Variants in ST6GALNAC5 observed in about 807,000 individuals in gnomAD.
The protein encoded by ST6GALNAC5 is ST6 N-acetylgalactosaminide alpha-2,6-sialyltransferase 5, also known as alpha-N-acetylgalactosaminide alpha-2,6-sialyltransferase 5.
ST6GALNAC5 carries 27 observed loss-of-function variants against 33.6 expected under a neutral mutation model. That is an observed-to-expected ratio of 0.80 (90% confidence interval 0.59 to 1.11). The LOEUF is 1.11. ST6GALNAC5 is among the 50% of genes least tolerant of loss of function. ST6GALNAC5 has a pLI of 0.00. For missense variants in ST6GALNAC5, 428 were observed against 454.0 expected, an observed-to-expected ratio of 0.94 and a Z score of 0.52; for synonymous variants, 194 against 171.2, an observed-to-expected ratio of 1.13 and a Z score of -1.04.
intron 2 of ST6GALNAC5, among the ~76,000 whole-genome samples, chr1:76,903,087 A>G (rs899467486): frequency 3.9e-5 from 6 of 152,200 alleles, no homozygotes; most frequent in African/African-American, 1.4e-4. Flanking sequence ...GGATGCTATC[A>G]AGAAGTAAAA....
chr1:77,012,879 C>A (rs2100425737), intron 2 of ST6GALNAC5, among the ~76,000 whole-genome samples: 1 of 152,272 alleles, frequency 6.6e-6, no homozygotes, highest in Non-Finnish European at 1.5e-5. Flanking sequence ...GCAAAACCAG[C>A]AACAGCTTAA....
At chr1:76,951,036 C>T (rs1647721375) in intron 2 of ST6GALNAC5, among the ~76,000 whole-genome samples, 1 of 151,870 alleles carries the variant, frequency 6.6e-6, no homozygotes, top group African/African-American at 2.4e-5. Flanking sequence ...ATCTAAACTA[C>T]AAGCAAATTG....
chr1:77,006,627 G>A (rs1295964515), intron 2 of ST6GALNAC5, among the ~76,000 whole-genome samples: 2 of 152,102 alleles, frequency 1.3e-5, no homozygotes, highest in Non-Finnish European at 2.9e-5. Context: ...AGGCCAGAAT[G>A]TATAGTTCTT....
chr1:76,925,687 T>C (rs987102714), intron 2 of ST6GALNAC5, among the ~76,000 whole-genome samples: 13 of 152,078 alleles, frequency 8.5e-5, no homozygotes, highest in African/African-American at 3.1e-4. Context: ...TATATATATA[T>C]ACAAATAAAA....
intron 2 of ST6GALNAC5, among the ~76,000 whole-genome samples, chr1:76,996,663 G>C (rs1649949875): frequency 1.3e-5 from 2 of 152,282 alleles, no homozygotes; most frequent in Non-Finnish European, 2.9e-5. Flanking sequence ...AGGCCAGGAG[G>C]CTTAAATTTT....
intron 2 of ST6GALNAC5, among the ~76,000 whole-genome samples, chr1:77,029,282 G>C (rs1651363649): frequency 6.6e-6 from 1 of 152,156 alleles, no homozygotes; most frequent in African/African-American, 2.4e-5. Context: ...CTGTCACAAA[G>C]GGATCCCCAA....
intron 2 of ST6GALNAC5, among the ~76,000 whole-genome samples, chr1:77,019,765 T>C (rs1232040882): frequency 3.3e-5 from 5 of 152,202 alleles, no homozygotes; most frequent in Non-Finnish European, 5.9e-5. Context: ...ACCTTGGGTG[T>C]GCCTGCCACT....
intron 2 of ST6GALNAC5, among the ~76,000 whole-genome samples, chr1:76,903,792 C>A (rs1646839349): frequency 6.6e-6 from 1 of 152,070 alleles, no homozygotes; most frequent in South Asian, 2.1e-4. Context: ...AACTATTAAG[C>A]TAAGTTAAAT....
At chr1:76,933,602 G>A (rs1191505519) in intron 2 of ST6GALNAC5, among the ~76,000 whole-genome samples, 1 of 151,890 alleles carries the variant, frequency 6.6e-6, no homozygotes, top group Admixed American at 6.6e-5. Context: ...CAGTCTGTGA[G>A]TACTTTGGCA....
At chr1:77,015,298 T>C (rs1219032044) in intron 2 of ST6GALNAC5, among the ~76,000 whole-genome samples, 2 of 152,136 alleles carry the variant, frequency 1.3e-5, no homozygotes, top group Non-Finnish European at 2.9e-5. Flanking sequence ...GAAAAACAGG[T>C]TGTTAATCCT....
intron 2 of ST6GALNAC5, among the ~76,000 whole-genome samples, chr1:77,022,387 C>T (rs1218833652): frequency 1.3e-5 from 2 of 152,108 alleles, no homozygotes; most frequent in East Asian, 3.9e-4. Context: ...GAAGTTTGTA[C>T]CCCTAAAATA....
intron 4 of ST6GALNAC5, among the ~76,000 whole-genome samples, chr1:77,052,436 A>G (rs950438649): frequency 1.3e-5 from 2 of 152,194 alleles, no homozygotes; most frequent in Admixed American, 1.3e-4. Flanking sequence ...AAATGGGGAT[A>G]AGAAAATAAG....
intron 2 of ST6GALNAC5, among the ~76,000 whole-genome samples, chr1:76,889,859 T>A (rs1271385549): frequency 6.6e-6 from 1 of 152,182 alleles, no homozygotes; most frequent in African/African-American, 2.4e-5. Context: ...TTTCTAATCA[T>A]CCTGGTCTTT....
intron 2 of ST6GALNAC5, among the ~76,000 whole-genome samples, chr1:76,951,174 G>T (rs940995187): frequency 2.6e-5 from 4 of 152,050 alleles, no homozygotes; most frequent in African/African-American, 9.7e-5. Flanking sequence ...ACAAACCACG[G>T]ATCAAATCAG....
In ST6GALNAC5 at chr1:76,868,457, G is replaced by T; in HGVS notation, c.16-40G>T. 2 of 1,571,874 alleles carry T rather than the reference G, an allele frequency of 1.3e-6. No homozygotes were observed. The highest frequency in any genetic ancestry group is 1.7e-6 in the Non-Finnish European group (2 of 1,155,850). On this transcript the variant is annotated intron_variant, in intron 1 of 4. Transcript: ENST00000477717. The surrounding 1 kb of genome is among the most constrained non-coding windows in gnomAD (Gnocchi z 4.3). ...CTGGGCGCGCTCCTCCGGTGTCTGC[G>T]CTCAGCCGCTCTCCTCTTCTCTCTC...
intron 4 of ST6GALNAC5, among the ~76,000 whole-genome samples, chr1:77,050,786 C>A (rs1652192314): frequency 1.3e-5 from 2 of 152,354 alleles, no homozygotes; most frequent in Middle Eastern, 3.4e-3. Context: ...TCTGAGCCTC[C>A]TTCCCTTGCC....
rs184588821 is a variant in ST6GALNAC5 at position 76,962,737 on chromosome 1, G to A, written c.262-81467G>A. Among the ~76,000 whole-genome samples the A allele has an allele frequency of 1.2e-3, 189 of 152,246 alleles. 1 individual carries two copies. Among genetic ancestry groups the A allele is most frequent in the Non-Finnish European group, 3.5e-4 (24 of 68,014 alleles). On this transcript the variant is annotated intron_variant, in intron 2 of 4. Coordinates refer to ENST00000477717, the MANE Select transcript of ST6GALNAC5 (RefSeq NM_030965.3). ...TTAGAAGGAATCTAACAAAGAGATG[G>A]TGTTAATTTGGATCTTTTAAACCAA... is the stretch of plus-strand genomic sequence containing the variant.
chr1:76,874,311 T>A (rs148329154), intron 2 of ST6GALNAC5, among the ~76,000 whole-genome samples: 1 of 152,346 alleles, frequency 6.6e-6, no homozygotes, highest in Admixed American at 6.5e-5. Context: ...TCTTCTGCAC[T>A]TGTTAAGTTA....
Position 77,063,311 on chromosome 1 carries a change from C to A in ST6GALNAC5, c.*105C>A. 1.0e-6 allele frequency: 1 copy of A among 993,036 alleles called. No homozygotes were observed. Among genetic ancestry groups the A allele is most frequent in the Non-Finnish European group, 1.5e-6 (1 of 658,810 alleles). The allele number at this position is 993,036 out of a possible 1,614,324, so 61.5% of individuals were successfully genotyped here. On this transcript the variant is annotated 3_prime_UTR_variant, in exon 5 of 5. Coordinates refer to ENST00000477717, the MANE Select transcript of ST6GALNAC5 (RefSeq NM_030965.3). ...AGGAAAGGGTAGCAGAAAACAGCTT[C>A]ACTCCTCAGGAAGTACCATGGACAG...
Sources: allele counts gnomAD v4.1 joint callset (sites outside exome capture counted in the v4.1 genomes callset), GRCh38; gene constraint gnomAD v4.1.1; non-coding constraint Gnocchi (gnomAD v3.1); transcripts MANE v1.5; gene names NCBI Gene and HGNC (gene_info 2026-07-23, HGNC 2026-07-21).